Variants in REEP3 observed in about 807,000 individuals in gnomAD.
The protein encoded by REEP3 is receptor expression-enhancing protein 3.
Under a neutral mutation model 41.3 loss-of-function variants are expected in REEP3, and 20 were observed. That is an observed-to-expected ratio of 0.48 (90% CI 0.34 to 0.70). The LOEUF is 0.70. Ranked by LOEUF, REEP3 falls within the 30% of genes least tolerant of loss-of-function variation. REEP3 has a pLI of 0.01. For synonymous variants in REEP3, 104 were observed against 101.8 expected, an observed-to-expected ratio of 1.02 and a Z score of -0.13; for missense variants, 271 against 308.8, an observed-to-expected ratio of 0.88 and a Z score of 0.92.
chr10:63,598,275 T>C, intron 4 of REEP3, 131 bp downstream of exon 4: 1 of 515,816 alleles, frequency 1.9e-6, no homozygotes, highest in Non-Finnish European at 3.3e-6. Context: ...AGGCCAGGAA[T>C]ATGAGACCAG....
In REEP3 at chr10:63,598,090, A is replaced by C. The variant is rs1564488615; in HGVS notation, c.249A>C (p.Gly83=). The C allele has an allele frequency of 6.3e-7, 1 of 1,599,114 alleles. No individual in the cohort carries two copies. Among genetic ancestry groups the C allele is most frequent in the Non-Finnish European group, 8.6e-7 (1 of 1,166,436 alleles). ...VIWLLSPYTK[G]ASLIYRKFLH... is the part of the protein sequence containing the mutation. Reference sequence around the variant, plus strand: ...GGCTGCTTTCTCCCTATACCAAAGGAGCAAGTTTAATATATAGAAAATTCC... The same window carrying C: ...GGCTGCTTTCTCCCTATACCAAAGGCGCAAGTTTAATATATAGAAAATTCC... Residue 83 remains glycine (G), a synonymous_variant, in exon 4 of 8, where the codon GGA becomes GGC. Coordinates refer to ENST00000373758, the MANE Select transcript of REEP3 (RefSeq NM_001001330.3).
chr10:63,553,987 A>G (rs1301950884), intron 1 of REEP3, among the ~76,000 whole-genome samples: 1 of 152,012 alleles, frequency 6.6e-6, no homozygotes, highest in Non-Finnish European at 1.5e-5. Context: ...CTGTAGTCCC[A>G]GCTACTCAGG....
At chr10:63,564,846 A>G (rs138945706) in intron 1 of REEP3, among the ~76,000 whole-genome samples, 2 of 152,332 alleles carry the variant, frequency 1.3e-5, no homozygotes, top group African/African-American at 2.4e-5. Flanking sequence ...AGTGATGACA[A>G]AGTTTTTCAC....
At chr10:63,596,392 A>G (rs1257176636) in intron 3 of REEP3, among the ~76,000 whole-genome samples, 1 of 149,108 alleles carries the variant, frequency 6.7e-6, no homozygotes, top group Non-Finnish European at 1.5e-5. Flanking sequence ...TGTAGCCTAT[A>G]TATGTTATTT....
At chr10:63,551,892 G>A (rs1955631927) in intron 1 of REEP3, among the ~76,000 whole-genome samples, 1 of 152,148 alleles carries the variant, frequency 6.6e-6, no homozygotes, top group African/African-American at 2.4e-5. Context: ...TGGCAAATGT[G>A]TCATACCAAT....
intron 2 of REEP3, among the ~76,000 whole-genome samples, chr10:63,587,366 C>T (rs753910908): frequency 5.9e-5 from 9 of 152,178 alleles, no homozygotes; most frequent in South Asian, 2.1e-4. Context: ...ACGACCAGTC[C>T]GGGCATTAGC....
At chr10:63,557,244 GC>G (rs1166652291) in intron 1 of REEP3, among the ~76,000 whole-genome samples, 21 of 152,096 alleles carry the variant, frequency 1.4e-4, no homozygotes, top group Admixed American at 9.2e-4. Context: ...GGAAAGAAAT[GC>G]ACACAGCACA....
At chr10:63,578,284 G>A (rs1026167691) in intron 2 of REEP3, among the ~76,000 whole-genome samples, 2 of 151,920 alleles carry the variant, frequency 1.3e-5, no homozygotes, top group Non-Finnish European at 2.9e-5. Context: ...ATTTTTAGTA[G>A]AGACGGGGTT....
chr10:63,601,303 T>C (rs1329931227), intron 5 of REEP3, among the ~76,000 whole-genome samples: 2 of 152,144 alleles, frequency 1.3e-5, no homozygotes, highest in Non-Finnish European at 2.9e-5. Flanking sequence ...AAGCTCTCAA[T>C]TGTGTTAGCT....
chr10:63,523,147 C>G (rs1416643685), intron 1 of REEP3, among the ~76,000 whole-genome samples: 1 of 152,080 alleles, frequency 6.6e-6, no homozygotes, highest in Non-Finnish European at 1.5e-5. Context: ...CTAGGTGCTA[C>G]CTATAACACA....
At chr10:63,528,336 T>C (rs1955386147) in intron 1 of REEP3, among the ~76,000 whole-genome samples, 1 of 152,164 alleles carries the variant, frequency 6.6e-6, no homozygotes, top group African/African-American at 2.4e-5. Context: ...GCCAAAGACC[T>C]TGGGATCATA....
intron 1 of REEP3, among the ~76,000 whole-genome samples, chr10:63,522,356 C>T (rs1177489964): frequency 6.6e-6 from 1 of 152,114 alleles, no homozygotes; most frequent in East Asian, 1.9e-4. Context: ...CTCCTACCAA[C>T]AAGTGCTACA....
chr10:63,590,554 G>A (rs1458067789), intron 2 of REEP3, among the ~76,000 whole-genome samples: 1 of 151,440 alleles, frequency 6.6e-6, no homozygotes, highest in African/African-American at 2.4e-5. Context: ...TATAGTTATC[G>A]ACTAGGCTAC....
intron 1 of REEP3, among the ~76,000 whole-genome samples, chr10:63,527,608 G>C (rs1362502057): frequency 6.6e-6 from 1 of 152,152 alleles, no homozygotes; most frequent in East Asian, 1.9e-4. Flanking sequence ...TTGAGCCTGG[G>C]ATGTTGAGGC....
intron 5 of REEP3, among the ~76,000 whole-genome samples, chr10:63,602,241 A>G (rs1216060441): frequency 2.6e-5 from 4 of 152,216 alleles, no homozygotes; most frequent in Admixed American, 2.6e-4. Context: ...TGGTTTTGCC[A>G]TATTGAGAGT....
intron 6 of REEP3, among the ~76,000 whole-genome samples, chr10:63,610,720 T>C (rs1237849959): frequency 1.3e-5 from 2 of 152,218 alleles, no homozygotes; most frequent in Non-Finnish European, 2.9e-5. Context: ...TACTTTTACA[T>C]TTAATCATAG....
chr10:63,522,598 T>C (rs1208091150), intron 1 of REEP3, among the ~76,000 whole-genome samples: 1 of 152,168 alleles, frequency 6.6e-6, no homozygotes, highest in African/African-American at 2.4e-5. Flanking sequence ...AAAATGTTTA[T>C]GTGAGGGGGC....
At chr10:63,543,491 G>A (rs916365243) in intron 1 of REEP3, among the ~76,000 whole-genome samples, 6 of 148,088 alleles carry the variant, frequency 4.1e-5, no homozygotes, top group African/African-American at 7.5e-5. Context: ...TAGAGACAAG[G>A]TCTAACTATT....
At chr10:63,549,354 G>T (rs187790689) in intron 1 of REEP3, among the ~76,000 whole-genome samples, 62 of 152,316 alleles carry the variant, frequency 4.1e-4, no homozygotes, top group Admixed American at 3.1e-3. Flanking sequence ...GATGACTTGA[G>T]CCCAGGAGTT....
Sources: allele counts gnomAD v4.1 joint callset (sites outside exome capture counted in the v4.1 genomes callset), GRCh38; gene constraint gnomAD v4.1.1; transcripts MANE v1.5; gene names NCBI Gene and HGNC (gene_info 2026-07-23, HGNC 2026-07-21).